GATM: variants seen among roughly 807,000 people sequenced by gnomAD.
The protein encoded by GATM is glycine amidinotransferase, also known as glycine amidinotransferase, mitochondrial.
GATM carries 23 observed loss-of-function variants against 54.2 expected under a neutral mutation model. That is an observed-to-expected ratio of 0.42 (90% CI 0.31 to 0.60). The LOEUF is 0.60. Ranked by LOEUF, GATM falls within the 20% of genes least tolerant of loss-of-function variation. The probability of loss-of-function intolerance (pLI) is 0.14; values close to 1 mark genes in which losing one functional copy is unlikely to be tolerated. For missense variants in GATM, 401 were observed against 544.9 expected (o/e 0.74, Z 2.63); for synonymous variants, 168 against 183.1 (o/e 0.92, Z 0.67).
exon 1 of GATM, chr15:45,402,209 A>C: frequency 1.6e-6 from 1 of 613,626 alleles, no homozygotes; most frequent in Non-Finnish European, 2.6e-6. Context: ...TGGGTTAGGC[A>C]ACTCGATTTC....
At chr15:45,390,289 G>A (rs1889856807) in intron 3 of GATM, among the ~76,000 whole-genome samples, 1 of 152,208 alleles carries the variant, frequency 6.6e-6, no homozygotes, top group Admixed American at 6.5e-5. Flanking sequence ...GAGTTCCTAA[G>A]GCAGTTGGAG....
At chr15:45,367,955 T>C (rs929986926) in intron 4 of GATM, 115 bp downstream of exon 4, 1 of 781,298 alleles carries the variant, frequency 1.3e-6, no homozygotes, top group Non-Finnish European at 2.1e-6. Context: ...AATAAGATGA[T>C]GTTTTCGGTT....
At chr15:45,394,930 A>G (rs1473030721) in intron 3 of GATM, among the ~76,000 whole-genome samples, 1 of 152,200 alleles carries the variant, frequency 6.6e-6, no homozygotes, top group East Asian at 1.9e-4. Context: ...TTCCAAGGCT[A>G]AAAGGTCATG....
intron 4 of GATM, among the ~76,000 whole-genome samples, chr15:45,367,080 C>G (rs1452027098): frequency 1.3e-5 from 2 of 152,142 alleles, no homozygotes; most frequent in Non-Finnish European, 1.5e-5. Flanking sequence ...ATGGCTCATG[C>G]CTGTAATCCC....
intron 2 of GATM, among the ~76,000 whole-genome samples, chr15:45,371,199 C>G (rs980169969): frequency 2.6e-5 from 4 of 152,162 alleles, no homozygotes; most frequent in African/African-American, 7.2e-5. Flanking sequence ...GATGCATCTT[C>G]CCATTTTTCA....
chr15:45,372,156 C>T (rs1051944302), intron 2 of GATM, among the ~76,000 whole-genome samples: 3 of 152,192 alleles, frequency 2.0e-5, no homozygotes, highest in African/African-American at 4.8e-5. Flanking sequence ...TTTACAGGAA[C>T]GCAGGCACAT....
Position 45,376,589 on chromosome 15 carries a change from GC to G in GATM, c.288+11del. The G allele has an allele frequency of 6.2e-7, 1 of 1,612,350 alleles. No homozygotes were observed. The highest frequency in any genetic ancestry group is 8.5e-7 in the Non-Finnish European group (1 of 1,178,404). ...GAGCGCACTTTCAGACATGTGAATA[GC>G]CTTCCTTTACCTTCACCTCGATGGT... On this transcript the variant is annotated intron_variant, in intron 2 of 8. Transcript: ENST00000396659.
rs1595481361 is a variant in GATM, at chr15:45,361,857, T to C, written c.*252A>G. 1 of 553,720 alleles carries C rather than the reference T, an allele frequency of 1.8e-6. No individual in the cohort carries two copies. Among genetic ancestry groups the C allele is most frequent in the Non-Finnish European group, 3.2e-6 (1 of 313,934 alleles). 34.3% of individuals were successfully genotyped at this position (553,720 alleles called of 1,614,324 possible). On this transcript the variant is annotated 3_prime_UTR_variant, in exon 9 of 9. Transcript: ENST00000396659. Reference sequence around the variant, plus strand: ...ACTCAGGTGACTAATTTTTTCTTGGTACACATTCACCAAAATTTTATACTT... The same window carrying C: ...ACTCAGGTGACTAATTTTTTCTTGGCACACATTCACCAAAATTTTATACTT...
chr15:45,364,533 T>C lies in GATM; in HGVS notation c.1042+264A>G, dbSNP rs1398060286. 6 of 396,490 alleles carry C rather than the reference T, an allele frequency of 1.5e-5. No homozygotes were observed. The East Asian group carries it at 2.4e-4, about 16-fold the overall frequency. 24.6% of individuals were successfully genotyped at this position (396,490 alleles called of 1,614,324 possible). A position where few individuals can be genotyped will look rare whatever the true frequency, so the allele number is the denominator to read the frequency against. On this transcript the variant is annotated intron_variant, in intron 7 of 8. Coordinates refer to ENST00000396659, the MANE Select transcript of GATM (RefSeq NM_001482.3). ...CTGGGTGACAAAGCAAGACACTGTC[T>C]CAAAAAAAAAAAAAAAGTCATATCT...
intron 3 of GATM, among the ~76,000 whole-genome samples, chr15:45,389,841 TTTTTTTC>T (rs1331857556): frequency 1.3e-5 from 2 of 151,978 alleles, no homozygotes; most frequent in Non-Finnish European, 2.9e-5. Flanking sequence ...TTTGCATTTC[TTTTTTTC>T]TTTTTTCTTT....
intron 1 of GATM, 83 bp downstream of exon 1, chr15:45,378,302 G>C: frequency 9.1e-7 from 1 of 1,097,148 alleles, no homozygotes; most frequent in Non-Finnish European, 1.3e-6. Flanking sequence ...GCGGCTCCGG[G>C]CAGGGAGCGA....
chr15:45,389,015 T>C (rs941587396), intron 3 of GATM, among the ~76,000 whole-genome samples: 1 of 152,232 alleles, frequency 6.6e-6, no homozygotes, highest in Non-Finnish European at 1.5e-5. Flanking sequence ...AAGTTAAAGT[T>C]ATAATTGTGC....
chr15:45,368,687 GTA>G lies in GATM; in HGVS notation c.485-429_485-428del, dbSNP rs1183205612. Among the ~76,000 whole-genome samples, 1 of 150,818 alleles carries G rather than the reference GTA, an allele frequency of 6.6e-6. No individual in the cohort carries two copies. Among genetic ancestry groups the G allele is most frequent in the African/African-American group, 2.4e-5 (1 of 40,930 alleles). ...AAAAAATTGCTAGAAATACATGTGT[GTA>G]TATATATATGAAAATAGCAAAAAAT... On this transcript the variant is annotated intron_variant, in intron 3 of 8. Coordinates refer to ENST00000396659, the MANE Select transcript of GATM (RefSeq NM_001482.3). The surrounding 1 kb of genome is among the most constrained non-coding windows in gnomAD (Gnocchi z 5.1).
chr15:45,373,460 G>A (rs921423474), intron 2 of GATM: 6 of 152,034 alleles, frequency 3.9e-5, no homozygotes, highest in African/African-American at 7.3e-5. Flanking sequence ...CCGAGCTCAC[G>A]CCACTGCACT....
Position 45,369,513 on chromosome 15 carries a change from T to C in GATM, c.297A>G (p.Thr99=), listed in dbSNP as rs1445305823. 1.2e-6 allele frequency: 2 copies of C among 1,613,926 alleles called. No homozygotes were observed. Among genetic ancestry groups the C allele is most frequent in the South Asian group, 2.2e-5 (2 of 91,058 alleles). Residue 99 remains threonine, a synonymous_variant, in exon 3 of 9, where the codon ACA becomes ACG. Coordinates refer to ENST00000396659, the MANE Select transcript of GATM (RefSeq NM_001482.3). ...GGTAAAATGGCCAGTACTTTTCATA[T>C]GTGTTGGCCTGGAAGTAGAAGCAAA... ...PPFTIEVKAN[T]YEKYWPFYQK...
Position 45,365,965 on chromosome 15 carries a change from T to C in GATM, c.978+81A>G. The C allele has an allele frequency of 4.6e-6, 6 of 1,304,886 alleles. No homozygotes were observed. In the Admixed American group the frequency reaches 6.7e-5, roughly 15 times the overall value. The allele number at this position is 1,304,886 out of a possible 1,614,324, so 80.8% of individuals were successfully genotyped here. A position where few individuals can be genotyped will look rare whatever the true frequency, so the allele number is the denominator to read the frequency against. ...TGTCATTTAGAACCATTAGGAACCA[T>C]GGAAGTGCTTAAAATAAAAGTGGCA... On this transcript the variant is annotated intron_variant, in intron 6 of 8. Transcript: ENST00000396659.
chr15:45,372,086 G>A (rs1019687565), intron 2 of GATM, among the ~76,000 whole-genome samples: 2 of 152,154 alleles, frequency 1.3e-5, no homozygotes, highest in African/African-American at 4.8e-5. Flanking sequence ...CTTAAACAGA[G>A]GCTGGTAAAA....
chr15:45,388,904 A>G (rs1422220507), intron 3 of GATM, among the ~76,000 whole-genome samples: 2 of 152,218 alleles, frequency 1.3e-5, no homozygotes, highest in African/African-American at 2.4e-5. Flanking sequence ...AGGGGTTTAC[A>G]TACATATATT....
At chr15:45,383,239 C>T (rs1013109068), upstream of GATM, among the ~76,000 whole-genome samples, 2 of 152,172 alleles carry the variant, frequency 1.3e-5, no homozygotes, top group South Asian at 2.1e-4. Context: ...CTGTCCCTTA[C>T]GAGTCATTTT....
Sources: gnomAD v4.1 joint callset for allele counts (sites outside exome capture counted in the v4.1 genomes callset) on GRCh38, gnomAD v4.1.1 for gene constraint, Gnocchi (gnomAD v3.1) non-coding constraint, MANE v1.5 for transcripts, NCBI Gene and HGNC (gene_info 2026-07-23, HGNC 2026-07-21) for gene names.